RNASEH2B: variants seen among roughly 807,000 people sequenced by gnomAD.
RNASEH2B encodes ribonuclease H2 subunit B, also known as Aicardi-Goutieres syndrome 2 protein.
RNASEH2B carries 36 observed loss-of-function variants against 45.0 expected under a neutral mutation model. The ratio of observed to expected loss-of-function variants is 0.80; its 90% CI spans 0.61 to 1.06. The LOEUF is 1.06. Ranked by LOEUF, RNASEH2B falls within the 50% of genes least tolerant of loss-of-function variation. The pLI is 0.00. For missense variants in RNASEH2B, 361 were observed against 360.3 expected (o/e 1.00, Z -0.02); for synonymous variants, 119 against 125.7 (o/e 0.95, Z 0.35).
chr13:50,945,431 A>G lies in RNASEH2B; in HGVS notation c.515A>G (p.Asn172Ser), dbSNP rs775424614. 6.2e-7 allele frequency: 1 copy of G among 1,611,490 alleles called. No homozygotes were observed. The highest frequency in any genetic ancestry group is 1.1e-5 in the South Asian group (1 of 91,010). ...CCCCTCTTGGTTGCTTCATAGGTTA[A>G]TCAAACTGTGGCAGCATTAAAAACC... ...KTLKWLEKKV[N>S]QTVAALKTNN... Residue 172 changes from asparagine to serine, a missense_variant, in exon 7 of 11, where the codon AAT becomes AGT. By Grantham distance (46) the Asn-to-Ser change is conservative. Coordinates refer to ENST00000336617, the MANE Select transcript of RNASEH2B (RefSeq NM_024570.4).
chr13:50,953,822 T>C, intron 9 of RNASEH2B, 83 bp from the exon 10 acceptor site: 1 of 924,770 alleles, frequency 1.1e-6, no homozygotes, highest in Non-Finnish European at 1.8e-6. Flanking sequence ...GAGGTCTAAA[T>C]TATACATGTT....
intron 1 of RNASEH2B, among the ~76,000 whole-genome samples, chr13:50,918,780 G>T (rs1281678412): frequency 3.3e-5 from 5 of 152,204 alleles, no homozygotes; most frequent in Admixed American, 3.3e-4. Context: ...CAGGCAGGAG[G>T]GTGCCGGGGC....
In RNASEH2B at chr13:50,953,972, T is replaced by G; in HGVS notation, c.809T>G (p.Leu270Trp). Residue 270 changes from leucine (L) to tryptophan (W), a missense_variant, in exon 10 of 11, where the codon TTG (leucine) becomes TGG (tryptophan). By Grantham distance (61) the Leu-to-Trp change is moderately conservative (BLOSUM62 -2). Transcript: ENST00000336617. ...EDYTKFNTKD[L>W]KTEKKNSKMT... ...TACACTAAGTTTAATACTAAAGATT[T>G]GAAGACTGAAAAGGTATGTGGGTTC... The G allele has an allele frequency of 6.3e-7, 1 of 1,598,312 alleles. No homozygotes were observed. Among genetic ancestry groups the G allele is most frequent in the Non-Finnish European group, 8.6e-7 (1 of 1,165,696 alleles).
intron 2 of RNASEH2B, chr13:50,928,643 T>C (rs574548811): frequency 6.6e-6 from 1 of 152,356 alleles, no homozygotes; most frequent in East Asian, 1.9e-4. Flanking sequence ...GTTCTTACTA[T>C]GTGCCAAGTA....
chr13:50,914,312 G>T (rs916356858), intron 1 of RNASEH2B, among the ~76,000 whole-genome samples: 1 of 152,148 alleles, frequency 6.6e-6, no homozygotes, highest in Non-Finnish European at 1.5e-5. Context: ...ATATGTTTGT[G>T]TTTAGAAATA....
chr13:50,949,608 C>A, intron 9 of RNASEH2B, 103 bp downstream of exon 9: 2 of 1,067,078 alleles, frequency 1.9e-6, no homozygotes, highest in Non-Finnish European at 2.9e-6. Context: ...TGTACTAAAT[C>A]CATTTTGCAT....
In RNASEH2B at chr13:50,944,284, T is replaced by G. The variant is rs78694219; in HGVS notation, c.510+890T>G. Among the ~76,000 whole-genome samples the G allele has an allele frequency of 3.4e-4, 52 of 152,280 alleles. No homozygotes were observed. The East Asian group carries it at 9.8e-3, about 29-fold the overall frequency. On this transcript the variant is annotated intron_variant, in intron 6 of 10. Transcript: ENST00000336617. The stretch of plus-strand genomic sequence containing the variant: ...AACCATATAGAATAATGATAAAGTT[T>G]TTGCAAGATCAGTGGATACCAGTAG...
intron 1 of RNASEH2B, among the ~76,000 whole-genome samples, chr13:50,922,184 G>A (rs7988945): frequency 0.62 from 93,971 of 152,080 alleles, 29,598 homozygotes; most frequent in African/African-American, 0.71. Context: ...ATTGTTTAAC[G>A]TCGTAGCTTC....
intron 9 of RNASEH2B, chr13:50,969,815 T>C: frequency 1.0e-6 from 1 of 991,170 alleles, no homozygotes; most frequent in Non-Finnish European, 1.5e-6. Context: ...TCAGCTGCCC[T>C]CAGGACTAAA....
At chr13:50,938,422 T>C (rs1393340182) in intron 5 of RNASEH2B, 1 of 152,194 alleles carries the variant, frequency 6.6e-6, no homozygotes, top group Non-Finnish European at 1.5e-5. Context: ...TTTTTTTCTT[T>C]TTTTTTGGTA....
At chr13:50,960,451 T>G (rs574852414), downstream of RNASEH2B, among the ~76,000 whole-genome samples, 25 of 152,320 alleles carry the variant, frequency 1.6e-4, no homozygotes, top group African/African-American at 5.8e-4. Context: ...TACCATTAAT[T>G]CTGACACTAG....
At chr13:50,914,335 G>A (rs551413006) in intron 1 of RNASEH2B, among the ~76,000 whole-genome samples, 10 of 152,152 alleles carry the variant, frequency 6.6e-5, no homozygotes, top group East Asian at 1.9e-4. Context: ...CGTGAGGGCC[G>A]AAAGCTTCCT....
At chr13:50,922,616 A>G (rs1367823530) in intron 1 of RNASEH2B, among the ~76,000 whole-genome samples, 1 of 152,254 alleles carries the variant, frequency 6.6e-6, no homozygotes, top group African/African-American at 2.4e-5. Context: ...CAGAAAAGTC[A>G]CTAAACAAAC....
intron 10 of RNASEH2B, chr13:50,954,586 A>G (rs1482746996): frequency 1.3e-5 from 2 of 152,622 alleles, no homozygotes; most frequent in East Asian, 3.9e-4. Context: ...TAATTTAATC[A>G]TTTCCCTATA....
intron 6 of RNASEH2B, among the ~76,000 whole-genome samples, chr13:50,944,034 C>T (rs1294624184): frequency 3.7e-5 from 4 of 106,806 alleles, no homozygotes; most frequent in Non-Finnish European, 5.5e-5. Context: ...ACGGACGGGA[C>T]GTGATGGGAC....
chr13:50,954,385 C>A, intron 10 of RNASEH2B: 1 of 358,128 alleles, frequency 2.8e-6, no homozygotes, highest in Non-Finnish European at 5.0e-6. Flanking sequence ...TGGTAACAGT[C>A]CTTACTTAGT....
intron 8 of RNASEH2B, 95 bp from the exon 9 acceptor site, chr13:50,949,368 A>C (rs1453330265): frequency 1.1e-5 from 12 of 1,077,344 alleles, no homozygotes; most frequent in Non-Finnish European, 1.6e-5. Context: ...TGTAAGTTGA[A>C]AAGTAGGACT....
chr13:50,910,002 C>T lies in RNASEH2B; in HGVS notation c.-75C>T. The T allele has an allele frequency of 2.3e-6, 3 of 1,322,080 alleles. No individual in the cohort carries two copies. The highest frequency in any genetic ancestry group is 3.0e-6 in the Non-Finnish European group (3 of 985,020). The allele number at this position is 1,322,080 out of a possible 1,614,324, so 81.9% of individuals were successfully genotyped here. ...GCGCCACCCGGAACAGACCCTTCTCCCGCCATTTTCGGCGGGGCTGGGAGA... is the reference window on the plus strand; with the variant it reads ...GCGCCACCCGGAACAGACCCTTCTCTCGCCATTTTCGGCGGGGCTGGGAGA... On this transcript the variant is annotated 5_prime_UTR_variant, in exon 1 of 11. Coordinates refer to ENST00000336617, the MANE Select transcript of RNASEH2B (RefSeq NM_024570.4).
Position 50,910,153 on chromosome 13 carries a change from G to A in RNASEH2B, c.64+13G>A. 2 of 1,427,538 alleles carry A rather than the reference G, an allele frequency of 1.4e-6. No individual in the cohort carries two copies. The highest frequency in any genetic ancestry group is 2.8e-5 in the Admixed American group (1 of 35,166). The allele number at this position is 1,427,538 out of a possible 1,614,324, so 88.4% of individuals were successfully genotyped here. A position where few individuals can be genotyped will look rare whatever the true frequency, so the allele number is the denominator to read the frequency against. Reference sequence around the variant, plus strand: ...TTCCTGGTTTCAGGTAAACACGCGCGCCCGGGCGGCGGGGTCGGCCCAAGA... The same window carrying A: ...TTCCTGGTTTCAGGTAAACACGCGCACCCGGGCGGCGGGGTCGGCCCAAGA... On this transcript the variant is annotated intron_variant, in intron 1 of 10. Coordinates refer to ENST00000336617, the MANE Select transcript of RNASEH2B (RefSeq NM_024570.4).
Sources: allele counts gnomAD v4.1 joint callset (sites outside exome capture counted in the v4.1 genomes callset), GRCh38; gene constraint gnomAD v4.1.1; transcripts MANE v1.5; gene names NCBI Gene and HGNC (gene_info 2026-07-23, HGNC 2026-07-21).